The following CHD5 variants were observed in gnomAD, a reference collection of about 807,000 sequenced individuals.
The protein encoded by CHD5 is chromodomain helicase DNA binding protein 5, also known as ATP-dependent chromatin remodeler CHD5.
A neutral mutation model predicts 230.3 loss-of-function variants in CHD5; 69 were observed. The ratio of observed to expected loss-of-function variants is 0.30; its 90% CI spans 0.25 to 0.37. The LOEUF (loss-of-function observed/expected upper bound fraction) is 0.37. Ranked by LOEUF, CHD5 falls within the 10% of genes least tolerant of loss-of-function variation. The probability of loss-of-function intolerance (pLI) is 1.00; values close to 1 mark genes in which losing one functional copy is unlikely to be tolerated. For missense variants in CHD5, 1,827 were observed against 2,622.8 expected, an observed-to-expected ratio of 0.70 and a Z score of 6.63; for synonymous variants, 1,064 against 1,065.9, an observed-to-expected ratio of 1.00 and a Z score of 0.03.
intron 1 of CHD5, among the ~76,000 whole-genome samples, chr1:6,179,145 G>C (rs934915946): frequency 6.6e-6 from 1 of 152,230 alleles, no homozygotes; most frequent in African/African-American, 2.4e-5. Context: ...AATTCTGAGA[G>C]AGATAAAAGG....
At chr1:6,112,317 A>G in intron 34 of CHD5, 40 bp from the exon 35 acceptor site, 1 of 1,605,132 alleles carries the variant, frequency 6.2e-7, no homozygotes. Flanking sequence ...CATCCATCCA[A>G]AAAGCAGTGC....
rs1297260251 is a variant in CHD5 at position 6,111,893 on chromosome 1, A to C, written c.5141-10T>G. ...CACAGCGTGTGCAACTCTGGGAAAC[A>C]AGCCAAGGTGAGCAGGGTGAGAAGT... On this transcript the variant is annotated splice_polypyrimidine_tract_variant and intron_variant, in intron 35 of 41. Coordinates refer to ENST00000262450, the MANE Select transcript of CHD5 (RefSeq NM_015557.3). 6.2e-7 allele frequency: 1 copy of C among 1,611,878 alleles called. No homozygotes were observed. The highest frequency in any genetic ancestry group is 1.7e-5 in the Admixed American group (1 of 59,942).
At chr1:6,107,681 TAATATA>T (rs1666211400) in intron 38 of CHD5, among the ~76,000 whole-genome samples, 1 of 108,878 alleles carries the variant, frequency 9.2e-6, no homozygotes, top group Non-Finnish European at 1.8e-5. Context: ...GATGGAGGGA[TAATATA>T]GGGATGGAGG....
chr1:6,136,881 G>A lies in CHD5; in HGVS notation c.2437-16C>T. On this transcript the variant is annotated splice_polypyrimidine_tract_variant and intron_variant, in intron 15 of 41. Transcript: ENST00000262450. ...GCACTTCTTTCTGGAGAAAAGAGGG[G>A]CATTGGGGATGAGACGGCTGGGAGC... 1 of 1,599,436 alleles carries A rather than the reference G, an allele frequency of 6.3e-7. No homozygotes were observed. The highest frequency in any genetic ancestry group is 2.2e-5 in the East Asian group (1 of 44,592).
At chr1:6,172,525 A>G (rs890946206) in intron 1 of CHD5, among the ~76,000 whole-genome samples, 1 of 152,098 alleles carries the variant, frequency 6.6e-6, no homozygotes, top group African/African-American at 2.4e-5. Context: ...GCAGATTGGG[A>G]AACTGAGGCT....
chr1:6,159,465 C>T lies in CHD5; in HGVS notation c.258G>A (p.Ser86=), dbSNP rs777535759. 2.4e-5 allele frequency: 39 copies of T among 1,595,672 alleles called. No individual in the cohort carries two copies. The highest frequency in any genetic ancestry group is 1.6e-4 in the East Asian group (7 of 44,434). Reference sequence around the variant, plus strand: ...GGGAGTAGTCACTGCCTTCACTCTCCGACTTCTCTTCCAGATCCTCTTCAT... The same window carrying T: ...GGGAGTAGTCACTGCCTTCACTCTCTGACTTCTCTTCCAGATCCTCTTCAT... ...SENEEDLEEK[S]ESEGSDYSPN... Residue 86 remains serine, a synonymous_variant, in exon 3 of 42, where the codon TCG becomes TCA. Transcript: ENST00000262450.
intron 38 of CHD5, 82 bp downstream of exon 38, chr1:6,109,713 G>C: frequency 8.3e-7 from 1 of 1,212,076 alleles, no homozygotes; most frequent in East Asian, 2.4e-5. Flanking sequence ...TACCCCATCA[G>C]TGCCCTCATC....
rs577978490 is a variant in CHD5 at position 6,126,257 on chromosome 1, G to C, written c.4078+315C>G. 4.6e-5 allele frequency among the ~76,000 whole-genome samples: 7 copies of C among 152,246 alleles called. No homozygotes were observed. The highest frequency in any genetic ancestry group is 1.4e-4 in the African/African-American group (6 of 41,556). ...GCGTTCCTGGCCCCCACCTCCCGGG[G>C]GGGTCCTGCACAGGGATGCCCCAAC... On this transcript the variant is annotated intron_variant, in intron 26 of 41. Coordinates refer to ENST00000262450, the MANE Select transcript of CHD5 (RefSeq NM_015557.3). This position sits in a 1 kb window ranked among gnomAD's most constrained non-coding sequence, Gnocchi z 5.7.
At position 6,128,195 on chromosome 1, in the gene CHD5, T is replaced by C; in HGVS notation, c.3754A>G (p.Ser1252Gly). The change falls in exon 25 of 42, where the codon AGC (serine) becomes GGC (glycine). Residue 1252 changes from serine (S) to glycine (G), a missense_variant. By Grantham distance (56) the Ser-to-Gly change is moderately conservative (BLOSUM62 0). Transcript: ENST00000262450. The surrounding 1 kb of genome is among the most constrained non-coding windows in gnomAD (Gnocchi z 7.8). ...PPGDNKDVED[S>G]SVIHYDDAAI... ...GCATCGTCATAGTGGATCACACTGC[T>C]GTCCTCCACGTCCTTGTTGTCACCT... 1 of 1,614,192 alleles carries C rather than the reference T, an allele frequency of 6.2e-7. No individual in the cohort carries two copies. Among genetic ancestry groups the C allele is most frequent in the Non-Finnish European group, 8.5e-7 (1 of 1,180,038 alleles).
chr1:6,112,662 G>C (rs1666312064), intron 34 of CHD5, among the ~76,000 whole-genome samples: 1 of 152,190 alleles, frequency 6.6e-6, no homozygotes, highest in Admixed American at 6.5e-5. Flanking sequence ...CCCAGGCCAG[G>C]CTCTATGACC....
In CHD5 at chr1:6,142,200, C is replaced by T. The variant is rs770862385; in HGVS notation, c.2364G>A (p.Ser788=). 3 of 1,614,200 alleles carry T rather than the reference C, an allele frequency of 1.9e-6. No homozygotes were observed. Among genetic ancestry groups the T allele is most frequent in the Non-Finnish European group, 2.5e-6 (3 of 1,180,020 alleles). Residue 788 remains serine, a synonymous_variant, in exon 15 of 42, where the codon TCG becomes TCA. Coordinates refer to ENST00000262450, the MANE Select transcript of CHD5 (RefSeq NM_015557.3). This position sits in a 1 kb window ranked among gnomAD's most constrained non-coding sequence, Gnocchi z 5.2. The stretch of plus-strand genomic sequence containing the variant: ...AGGAAAACTCGTTCTCCCGAATCAC[C>T]GAGCGGCTCTCCTTGTCCCCCGTGT... The part of the protein sequence containing the change: ...VTYTGDKESR[S]VIRENEFSFE...
At position 6,146,677 on chromosome 1, in the gene CHD5, C is replaced by T. The variant is rs761016046; in HGVS notation, c.1578G>A (p.Val526=). ...AGLSYWHCSW[V]KELQLELYHT... is the part of the protein sequence containing the mutation. Reference sequence around the variant, plus strand: ...CCCGGGCACTCACCTGTAGCTCCTTCACCCAGGAGCAATGCCAGTAGGACA... The same window carrying T: ...CCCGGGCACTCACCTGTAGCTCCTTTACCCAGGAGCAATGCCAGTAGGACA... Residue 526 remains valine (V), a synonymous_variant, in exon 10 of 42, where the codon GTG becomes GTA. Coordinates refer to ENST00000262450, the MANE Select transcript of CHD5 (RefSeq NM_015557.3). The surrounding 1 kb of genome is among the most constrained non-coding windows in gnomAD (Gnocchi z 5.1). 2.5e-6 allele frequency: 4 copies of T among 1,613,918 alleles called. 1 individual carries two copies. In the South Asian group the frequency reaches 3.3e-5, roughly 13 times the overall value.
At chr1:6,112,823 G>T in intron 34 of CHD5, 86 bp downstream of exon 34, 1 of 998,330 alleles carries the variant, frequency 1.0e-6, no homozygotes, top group South Asian at 1.4e-5. Flanking sequence ...ACGGCGCCTG[G>T]GAGACTGTGG....
chr1:6,156,840 TCAGGTGAC>T (rs1432144878), intron 3 of CHD5, among the ~76,000 whole-genome samples: 1 of 152,010 alleles, frequency 6.6e-6, no homozygotes, highest in Non-Finnish European at 1.5e-5. Flanking sequence ...AGCCCAGGGG[TCAGGTGAC>T]CAGATGACCA....
At chr1:6,133,903 G>A (rs1322410771) in intron 20 of CHD5, among the ~76,000 whole-genome samples, 1 of 152,216 alleles carries the variant, frequency 6.6e-6, no homozygotes, top group Non-Finnish European at 1.5e-5. Context: ...AGACCAGAAG[G>A]GCAGGTGTGG....
At position 6,131,859 on chromosome 1, in the gene CHD5, G is replaced by T. The variant is rs928541178; in HGVS notation, c.3145-111C>A. 1 of 681,246 alleles carries T rather than the reference G, an allele frequency of 1.5e-6. No homozygotes were observed. The allele number at this position is 681,246 out of a possible 1,614,324, so 42.2% of individuals were successfully genotyped here. A position where few individuals can be genotyped will look rare whatever the true frequency, so the allele number is the denominator to read the frequency against. Reference sequence around the variant, plus strand: ...AGGAGAGAGCTGCCTGCTAGGTGGGGAGACAGCTGGGACCCAGGCAGGCCC... The same window carrying T: ...AGGAGAGAGCTGCCTGCTAGGTGGGTAGACAGCTGGGACCCAGGCAGGCCC... On this transcript the variant is annotated intron_variant, in intron 20 of 41. Coordinates refer to ENST00000262450, the MANE Select transcript of CHD5 (RefSeq NM_015557.3). This position sits in a 1 kb window ranked among gnomAD's most constrained non-coding sequence, Gnocchi z 5.0.
rs1666466335 is a variant in CHD5, at chr1:6,121,284, G to A, written c.4780-47C>T. On this transcript the variant is annotated intron_variant, in intron 32 of 41. Coordinates refer to ENST00000262450, the MANE Select transcript of CHD5 (RefSeq NM_015557.3). The surrounding 1 kb of genome is among the most constrained non-coding windows in gnomAD (Gnocchi z 4.5). The stretch of plus-strand genomic sequence containing the variant: ...AACTACAAGGCCTGGGGCCTCACCA[G>A]GAACGGAGGGCGGGGAACGTGCGCT... 6.3e-7 allele frequency: 1 copy of A among 1,587,102 alleles called. No individual in the cohort carries two copies. Among genetic ancestry groups the A allele is most frequent in the Non-Finnish European group, 8.6e-7 (1 of 1,168,398 alleles).
rs1666300538 is a variant in CHD5, at chr1:6,112,069, C to T, written c.5140+71G>A. The T allele has an allele frequency of 7.1e-6, 11 of 1,545,972 alleles. No individual in the cohort carries two copies. In the East Asian group the frequency reaches 2.5e-4, roughly 35 times the overall value. On this transcript the variant is annotated intron_variant, in intron 35 of 41. Coordinates refer to ENST00000262450, the MANE Select transcript of CHD5 (RefSeq NM_015557.3). ...CAGTCACACTCTAGTATAAAGTTAA[C>T]CACTGGTCTAGACTCCTGGGACCCA...
At chr1:6,171,029 C>T (rs1469178629) in intron 1 of CHD5, among the ~76,000 whole-genome samples, 3 of 152,242 alleles carry the variant, frequency 2.0e-5, no homozygotes, top group Non-Finnish European at 2.9e-5. Flanking sequence ...GATGCAATCT[C>T]GAGGGGGGGC....
Sources: allele counts gnomAD v4.1 joint callset (sites outside exome capture counted in the v4.1 genomes callset), GRCh38; gene constraint gnomAD v4.1.1; non-coding constraint Gnocchi (gnomAD v3.1); transcripts MANE v1.5; gene names NCBI Gene and HGNC (gene_info 2026-07-23, HGNC 2026-07-21).